The following SPATA17 variants were observed in gnomAD, a reference collection of about 807,000 sequenced individuals.
The protein encoded by SPATA17 is spermatogenesis associated 17, also known as spermatogenesis-associated protein 17.
Under a neutral mutation model 62.2 loss-of-function variants are expected in SPATA17, and 53 were observed. The ratio of observed to expected loss-of-function variants is 0.85; its 90% CI spans 0.68 to 1.07. The LOEUF (loss-of-function observed/expected upper bound fraction) is 1.07, where lower values mean the gene tolerates loss of function less well. Among genes scored for constraint, SPATA17 ranks in the 50% least tolerant of loss-of-function variants. SPATA17 has a pLI of 0.00. For missense variants in SPATA17, 466 were observed against 425.5 expected, an observed-to-expected ratio of 1.10 and a Z score of -0.84; for synonymous variants, 146 against 146.8, an observed-to-expected ratio of 0.99 and a Z score of 0.04.
chr1:217,845,378 C>T lies in SPATA17; in HGVS notation c.1006-17396C>T, dbSNP rs1675500299. On this transcript the variant is annotated intron_variant, in intron 9 of 10. Transcript: ENST00000366933. ...TTGGATCGAAGCCTCTTTCTAGGCT[C>T]CAGGTGGAAGGCAGCCCAACTCACT... Among the ~76,000 whole-genome samples, 4 of 151,986 alleles carry T rather than the reference C, an allele frequency of 2.6e-5. No individual in the cohort carries two copies. In the South Asian group the frequency reaches 8.3e-4, roughly 32 times the overall value.
intron 1 of SPATA17, among the ~76,000 whole-genome samples, chr1:217,640,954 TC>T (rs1385139368): frequency 2.6e-5 from 4 of 152,084 alleles, no homozygotes; most frequent in African/African-American, 9.7e-5. Flanking sequence ...TGAAATAGAA[TC>T]TTTTTTCTCT....
At chr1:217,825,058 T>TCAATACA (rs1345525077) in intron 9 of SPATA17, among the ~76,000 whole-genome samples, 2 of 143,422 alleles carry the variant, frequency 1.4e-5, no homozygotes, top group Non-Finnish European at 3.1e-5. Context: ...ATGTATTTAT[T>TCAATACA]TATATGAATA....
chr1:217,803,291 A>G (rs1439275599), intron 9 of SPATA17, among the ~76,000 whole-genome samples: 1 of 152,210 alleles, frequency 6.6e-6, no homozygotes, highest in Non-Finnish European at 1.5e-5. Context: ...GAAAGAAAGA[A>G]AAGGCATCCA....
At chr1:217,816,803 C>T (rs533410084) in intron 9 of SPATA17, among the ~76,000 whole-genome samples, 35 of 152,152 alleles carry the variant, frequency 2.3e-4, no homozygotes, top group Admixed American at 1.6e-3. Flanking sequence ...CAATGTACTA[C>T]ATCAATATAA....
chr1:217,850,595 G>C (rs1234370493), intron 9 of SPATA17: 5 of 1,596,164 alleles, frequency 3.1e-6, no homozygotes, highest in Non-Finnish European at 4.3e-6. Flanking sequence ...CTTCAAGGGT[G>C]ATGGTCTTGC....
At chr1:217,824,842 AT>A (rs1406410040) in intron 9 of SPATA17, among the ~76,000 whole-genome samples, 2 of 151,052 alleles carry the variant, frequency 1.3e-5, no homozygotes, top group African/African-American at 4.8e-5. Flanking sequence ...TGTAGACTAA[AT>A]TTGTACTTTG....
chr1:217,639,140 A>G (rs1670001337), intron 1 of SPATA17, among the ~76,000 whole-genome samples: 1 of 152,130 alleles, frequency 6.6e-6, no homozygotes. Context: ...TTTAACACCT[A>G]CTTCTTAGAT....
intron 9 of SPATA17, among the ~76,000 whole-genome samples, chr1:217,806,971 A>G (rs1674449543): frequency 6.6e-6 from 1 of 152,126 alleles, no homozygotes; most frequent in Non-Finnish European, 1.5e-5. Flanking sequence ...ATAATAATGT[A>G]TACTTGTATA....
At chr1:217,808,473 T>G (rs1024217207) in intron 9 of SPATA17, among the ~76,000 whole-genome samples, 1 of 152,110 alleles carries the variant, frequency 6.6e-6, no homozygotes, top group Admixed American at 6.6e-5. Flanking sequence ...TACTACCAGA[T>G]CTAATGATTC....
At chr1:217,831,745 T>G (rs1675147102) in intron 9 of SPATA17, among the ~76,000 whole-genome samples, 1 of 152,166 alleles carries the variant, frequency 6.6e-6, no homozygotes, top group African/African-American at 2.4e-5. Flanking sequence ...TGTCCAAATT[T>G]CTTTGTGGCT....
intron 9 of SPATA17, among the ~76,000 whole-genome samples, chr1:217,848,772 TTTTC>T (rs1228832986): frequency 6.6e-6 from 1 of 152,164 alleles, no homozygotes; most frequent in Non-Finnish European, 1.5e-5. Context: ...CCTAATTCTT[TTTTC>T]TTTGTTTTCT....
At chr1:217,856,023 C>T (rs1411325424) in intron 9 of SPATA17, among the ~76,000 whole-genome samples, 2 of 151,614 alleles carry the variant, frequency 1.3e-5, no homozygotes, top group Non-Finnish European at 2.9e-5. Context: ...CTGCACCTGG[C>T]CGACAGATGG....
At chr1:217,763,397 G>GAA (rs35735781) in intron 6 of SPATA17, among the ~76,000 whole-genome samples, 13 of 147,000 alleles carry the variant, frequency 8.8e-5, no homozygotes, top group South Asian at 2.1e-4. Flanking sequence ...TAAGCAGATG[G>GAA]AAAAAAAAAA....
At chr1:217,684,027 A>G (rs1671162342) in intron 5 of SPATA17, among the ~76,000 whole-genome samples, 1 of 152,166 alleles carries the variant, frequency 6.6e-6, no homozygotes, top group Non-Finnish European at 1.5e-5. Context: ...CATTTGAGAA[A>G]CATGTTCCAT....
At chr1:217,666,831 T>C (rs780357167) in intron 3 of SPATA17, among the ~76,000 whole-genome samples, 1 of 152,138 alleles carries the variant, frequency 6.6e-6, no homozygotes, top group Non-Finnish European at 1.5e-5. Flanking sequence ...CATATGCTTC[T>C]TTCAGTACTT....
intron 9 of SPATA17, among the ~76,000 whole-genome samples, chr1:217,840,891 T>TAAA: frequency 1.3e-5 from 2 of 151,902 alleles, no homozygotes; most frequent in Non-Finnish European, 2.9e-5. Flanking sequence ...ATAATAATAG[T>TAAA]AACAATAATT....
At chr1:217,716,083 A>G (rs1364320499) in intron 5 of SPATA17, among the ~76,000 whole-genome samples, 1 of 152,178 alleles carries the variant, frequency 6.6e-6, no homozygotes, top group Non-Finnish European at 1.5e-5. Flanking sequence ...CATACTTTTT[A>G]AATAATCTTG....
chr1:217,809,182 A>G (rs1674520948), intron 9 of SPATA17, among the ~76,000 whole-genome samples: 1 of 152,176 alleles, frequency 6.6e-6, no homozygotes. Context: ...AGTAAATTGG[A>G]TACTTCAGAA....
intron 9 of SPATA17, among the ~76,000 whole-genome samples, chr1:217,851,440 C>A (rs771266080): frequency 4.0e-5 from 6 of 151,832 alleles, no homozygotes; most frequent in Non-Finnish European, 8.8e-5. Context: ...AGAAATCTTT[C>A]ATAATTCCTT....
Sources: allele counts gnomAD v4.1 joint callset (sites outside exome capture counted in the v4.1 genomes callset), GRCh38; gene constraint gnomAD v4.1.1; transcripts MANE v1.5; gene names NCBI Gene and HGNC (gene_info 2026-07-23, HGNC 2026-07-21).